The following FREM3 variants were observed in gnomAD, a reference collection of about 807,000 sequenced individuals.
The protein encoded by FREM3 is FRAS1-related extracellular matrix protein 3.
A neutral mutation model predicts 129.1 loss-of-function variants in FREM3; 105 were observed. The observed-to-expected ratio is 0.81, with a 90% CI of 0.69 to 0.96. The LOEUF is 0.96. Ranked by LOEUF, FREM3 falls within the 40% of genes least tolerant of loss-of-function variation. The pLI is 0.00. For synonymous variants in FREM3, 1,014 were observed against 1,044.9 expected (o/e 0.97, Z 0.57); for missense variants, 2,593 against 2,666.3 (o/e 0.97, Z 0.61).
intron 6 of FREM3, among the ~76,000 whole-genome samples, chr4:143,594,216 G>T (rs1046754924): frequency 1.3e-5 from 2 of 152,156 alleles, no homozygotes; most frequent in Non-Finnish European, 2.9e-5. Flanking sequence ...CTCACACACG[G>T]TGCACTGCAC....
At chr4:143,693,284 G>T in intron 1 of FREM3, 82 bp from the exon 2 acceptor site, 1 of 565,732 alleles carries the variant, frequency 1.8e-6, no homozygotes, top group Non-Finnish European at 3.0e-6. Context: ...GTTTTAATTA[G>T]GCATAGAAAT....
intron 6 of FREM3, among the ~76,000 whole-genome samples, chr4:143,601,468 A>C (rs1001913963): frequency 6.6e-6 from 1 of 152,182 alleles, no homozygotes; most frequent in Non-Finnish European, 1.5e-5. Context: ...GCAGGTTACT[A>C]GAGTTCTCAA....
intron 2 of FREM3, among the ~76,000 whole-genome samples, chr4:143,674,137 C>T (rs886272858): frequency 9.8e-5 from 15 of 152,294 alleles, no homozygotes; most frequent in East Asian, 5.8e-4. Context: ...GAGATGAACC[C>T]GGTACCTCAG....
intron 2 of FREM3, among the ~76,000 whole-genome samples, chr4:143,657,539 G>T (rs939387849): frequency 2.0e-5 from 3 of 152,128 alleles, no homozygotes; most frequent in Non-Finnish European, 4.4e-5. Context: ...TTACCCAAAT[G>T]ATAATTCATG....
rs1205545419 is a variant in FREM3 at position 143,698,389 on chromosome 4, C to G, written c.2287G>C (p.Val763Leu). 9 of 1,537,772 alleles carry G rather than the reference C, an allele frequency of 5.9e-6. No homozygotes were observed. Among genetic ancestry groups the G allele is most frequent in the Non-Finnish European group, 7.8e-6 (9 of 1,147,066 alleles). Reference protein sequence around the residue: ...GNHQVRAGEIVLTDSPDTLIM... With the variant: ...GNHQVRAGEILLTDSPDTLIM... ...AGTGTGTCTGGTGAATCAGTGAGCA[C>G]AATTTCTCCAGCCCGGACTTGGTGG... is the stretch of plus-strand genomic sequence containing the variant. The change falls in exon 1 of 8, where the codon GTG becomes CTG. Residue 763 changes from valine (V) to leucine (L), a missense_variant. By Grantham distance (32) the Val-to-Leu change is conservative. Around this residue, in one of 2 missense-constraint regions of FREM3, gnomAD observed 2,276 missense variants for 2,267.2 expected, o/e 1.00. Coordinates refer to ENST00000329798, the MANE Select transcript of FREM3 (RefSeq NM_001168235.2).
intron 6 of FREM3, among the ~76,000 whole-genome samples, chr4:143,593,614 A>T (rs1738408829): frequency 6.6e-6 from 1 of 152,158 alleles, no homozygotes; most frequent in East Asian, 1.9e-4. Flanking sequence ...TCAGAGGAGT[A>T]CCCGGCTGTG....
intron 2 of FREM3, among the ~76,000 whole-genome samples, chr4:143,685,514 C>A (rs780082518): frequency 3.9e-5 from 6 of 152,138 alleles, no homozygotes; most frequent in Non-Finnish European, 8.8e-5. Flanking sequence ...AATCTTGAAA[C>A]AAATCCTGGA....
intron 2 of FREM3, among the ~76,000 whole-genome samples, chr4:143,679,029 A>C (rs1402563618): frequency 6.6e-6 from 1 of 152,308 alleles, no homozygotes; most frequent in African/African-American, 2.4e-5. Context: ...CACTTTTGGA[A>C]AAGTAATTAG....
At chr4:143,666,384 G>GTATA (rs1355808053) in intron 2 of FREM3, among the ~76,000 whole-genome samples, 1 of 152,062 alleles carries the variant, frequency 6.6e-6, no homozygotes, top group African/African-American at 2.4e-5. Flanking sequence ...CTACACTTAG[G>GTATA]TATATATCCA....
chr4:143,654,875 G>A (rs760290235), intron 2 of FREM3, among the ~76,000 whole-genome samples: 6 of 152,156 alleles, frequency 3.9e-5, no homozygotes, highest in Non-Finnish European at 7.4e-5. Context: ...CTACTTCGTG[G>A]TGAACTGTAA....
chr4:143,657,049 G>T (rs934030107), intron 2 of FREM3, among the ~76,000 whole-genome samples: 10 of 152,100 alleles, frequency 6.6e-5, no homozygotes, highest in African/African-American at 2.4e-4. Flanking sequence ...CCAAAGCATT[G>T]TTTATGCATT....
At chr4:143,693,256 T>C (rs1740506073) in intron 1 of FREM3, 54 bp from the exon 2 acceptor site, 2 of 867,392 alleles carry the variant, frequency 2.3e-6, no homozygotes, top group Non-Finnish European at 3.4e-6. Flanking sequence ...TGAAAATGAG[T>C]ATGTTAACAA....
chr4:143,695,762 A>G lies in FREM3; in HGVS notation c.4914T>C (p.Thr1638=), dbSNP rs1190997553. The change falls in exon 1 of 8, where the codon ACT becomes ACC. Residue 1638 remains threonine, a synonymous_variant. Coordinates refer to ENST00000329798, the MANE Select transcript of FREM3 (RefSeq NM_001168235.2). ...THTDFYVLPD[T]ALATHKPQVM... ...CTTGAGGTTTGTGTGTCGCCAGGGC[A>G]GTGTCTGGTAGGACATAGAAATCAG... The G allele has an allele frequency of 6.5e-7, 1 of 1,537,176 alleles. No homozygotes were observed. Among genetic ancestry groups the G allele is most frequent in the Non-Finnish European group, 8.7e-7 (1 of 1,146,928 alleles).
At chr4:143,638,315 A>G (rs1200915406) in intron 2 of FREM3, among the ~76,000 whole-genome samples, 1 of 152,174 alleles carries the variant, frequency 6.6e-6, no homozygotes, top group Non-Finnish European at 1.5e-5. Context: ...AATTAGTAGC[A>G]AAGTGGAAAT....
At chr4:143,690,194 A>G (rs1740440717) in intron 2 of FREM3, among the ~76,000 whole-genome samples, 1 of 152,138 alleles carries the variant, frequency 6.6e-6, no homozygotes, top group Non-Finnish European at 1.5e-5. Flanking sequence ...AATCCTCATA[A>G]TAATTCTAAG....
chr4:143,690,612 G>GA (rs1190883736), intron 2 of FREM3, among the ~76,000 whole-genome samples: 1 of 151,946 alleles, frequency 6.6e-6, no homozygotes, highest in Non-Finnish European at 1.5e-5. Context: ...GTGCTATTAG[G>GA]AAAAAACAAT....
At chr4:143,668,843 T>C (rs1739914323) in intron 2 of FREM3, among the ~76,000 whole-genome samples, 1 of 152,202 alleles carries the variant, frequency 6.6e-6, no homozygotes, top group Non-Finnish European at 1.5e-5. Flanking sequence ...ACCCGAATCA[T>C]TCTCATACAT....
intron 6 of FREM3, among the ~76,000 whole-genome samples, chr4:143,608,210 T>A (rs1241183107): frequency 6.6e-6 from 1 of 152,218 alleles, no homozygotes; most frequent in Non-Finnish European, 1.5e-5. Context: ...TGTGGATATC[T>A]TTGGGGTCCA....
chr4:143,671,403 A>T (rs183200715), intron 2 of FREM3, among the ~76,000 whole-genome samples: 1 of 152,324 alleles, frequency 6.6e-6, no homozygotes, highest in Admixed American at 6.5e-5. Flanking sequence ...AATAAAATGT[A>T]AATTTATCCA....
Sources: gnomAD v4.1 joint callset for allele counts (sites outside exome capture counted in the v4.1 genomes callset) on GRCh38, gnomAD v4.1.1 for gene constraint, gnomAD v4.1.1 regional missense constraint, MANE v1.5 for transcripts, NCBI Gene and HGNC (gene_info 2026-07-23, HGNC 2026-07-21) for gene names.